DOCK7: variants seen among roughly 807,000 people sequenced by gnomAD.
DOCK7 encodes the protein dedicator of cytokinesis protein 7.
DOCK7 carries 138 observed loss-of-function variants against 271.0 expected under a neutral mutation model. That is an observed-to-expected ratio of 0.51 (90% CI 0.44 to 0.59). The LOEUF is 0.59. Among genes scored for constraint, DOCK7 ranks in the 20% least tolerant of loss-of-function variants. The pLI, the probability that DOCK7 is intolerant of heterozygous loss-of-function variation, is 0.00. For missense variants in DOCK7, 2,066 were observed against 2,592.4 expected (o/e 0.80, Z 4.41); for synonymous variants, 823 against 876.1 (o/e 0.94, Z 1.07).
Position 62,492,710 on chromosome 1 carries a change from G to T in DOCK7, c.5355C>A (p.Phe1785Leu). The T allele has an allele frequency of 6.2e-7, 1 of 1,614,048 alleles. No individual in the cohort carries two copies. The highest frequency in any genetic ancestry group is 8.5e-7 in the Non-Finnish European group (1 of 1,179,960). ...VGLLEQAAAS[F>L]SMAGMYEAVN... ...ATTAACAAGAGTCATCTACCATAGAGAAGGAAGCAGCTGCTTGTTCCAGTA... is the reference window on the plus strand; with the variant it reads ...ATTAACAAGAGTCATCTACCATAGATAAGGAAGCAGCTGCTTGTTCCAGTA... The change falls in exon 41 of 50, where the codon TTC becomes TTA. Residue 1785 changes from phenylalanine to leucine, a missense_variant. By Grantham distance (22) the Phe-to-Leu change is conservative. Transcript: ENST00000635253.
At chr1:62,597,446 T>C (rs1358108518) in intron 14 of DOCK7, 22 of 1,026,952 alleles carry the variant, frequency 2.1e-5, no homozygotes, top group Non-Finnish European at 2.4e-5. Context: ...TGATTAACTA[T>C]GTTCACCTAC....
At chr1:62,618,978 T>C (rs1652802752) in intron 13 of DOCK7, 110 bp from the exon 14 acceptor site, 3 of 919,400 alleles carry the variant, frequency 3.3e-6, no homozygotes, top group Non-Finnish European at 5.0e-6. Flanking sequence ...GGAAGAATAT[T>C]ACAGAAACCA....
intron 14 of DOCK7, among the ~76,000 whole-genome samples, chr1:62,600,072 C>T (rs998444823): frequency 4.0e-5 from 6 of 151,764 alleles, no homozygotes; most frequent in African/African-American, 1.2e-4. Context: ...TTATCAACTA[C>T]TTTTGGTTTC....
At chr1:62,477,465 G>T (rs762264782) in intron 44 of DOCK7, among the ~76,000 whole-genome samples, 2 of 152,066 alleles carry the variant, frequency 1.3e-5, no homozygotes, top group Non-Finnish European at 2.9e-5. Flanking sequence ...GGATACAGGG[G>T]TTTCTAAAAT....
At chr1:62,495,488 T>A in intron 39 of DOCK7, 93 bp downstream of exon 39, 2 of 754,476 alleles carry the variant, frequency 2.7e-6, no homozygotes, top group Non-Finnish European at 3.9e-6. Context: ...AAATCACAAA[T>A]CATTTTTGTG....
At chr1:62,577,580 A>G (rs979701374) in intron 17 of DOCK7, among the ~76,000 whole-genome samples, 5 of 152,176 alleles carry the variant, frequency 3.3e-5, no homozygotes, top group African/African-American at 4.8e-5. Context: ...TCACCAAAAC[A>G]TTATTATTAC....
At chr1:62,470,623 A>G (rs1645804526) in intron 48 of DOCK7, among the ~76,000 whole-genome samples, 2 of 152,076 alleles carry the variant, frequency 1.3e-5, no homozygotes, top group Non-Finnish European at 2.9e-5. Flanking sequence ...ATGAAACCCC[A>G]TCCCTACTAA....
chr1:62,479,377 T>G (rs1467044455), intron 43 of DOCK7, among the ~76,000 whole-genome samples: 1 of 152,168 alleles, frequency 6.6e-6, no homozygotes, highest in Non-Finnish European at 1.5e-5. Context: ...AAGTTGAGGC[T>G]TCTAATTTAA....
chr1:62,461,209 CCT>C (rs1645514294), intron 48 of DOCK7, among the ~76,000 whole-genome samples: 1 of 152,008 alleles, frequency 6.6e-6, no homozygotes, highest in Admixed American at 6.6e-5. Context: ...AAAATGATGT[CCT>C]CTCTATTCCT....
At chr1:62,509,312 C>CAAAAAAA (rs71045845) in intron 34 of DOCK7, among the ~76,000 whole-genome samples, 1 of 112,792 alleles carries the variant, frequency 8.9e-6, no homozygotes, top group Admixed American at 1.0e-4. Context: ...GATCTTGTCT[C>CAAAAAAA]AAAAAAAAAA....
chr1:62,535,009 A>G (rs1230912664), intron 29 of DOCK7, among the ~76,000 whole-genome samples: 1 of 152,098 alleles, frequency 6.6e-6, no homozygotes, highest in Non-Finnish European at 1.5e-5. Flanking sequence ...GAATTGCTTG[A>G]ACCCAGAAGG....
intron 1 of DOCK7, among the ~76,000 whole-genome samples, chr1:62,687,328 G>A (rs1572026383): frequency 6.6e-6 from 1 of 152,156 alleles, no homozygotes; most frequent in East Asian, 1.9e-4. Context: ...GAGAAAGGTG[G>A]CAACCAACCA....
At chr1:62,565,771 T>C (rs1646492855) in intron 18 of DOCK7, among the ~76,000 whole-genome samples, 1 of 152,152 alleles carries the variant, frequency 6.6e-6, no homozygotes, top group Admixed American at 6.6e-5. Flanking sequence ...AGTCAAATTG[T>C]CTCTGCAGAT....
chr1:62,460,022 C>A (rs1324923321), intron 48 of DOCK7, among the ~76,000 whole-genome samples: 1 of 144,476 alleles, frequency 6.9e-6, no homozygotes, highest in Non-Finnish European at 1.5e-5. Flanking sequence ...ATGGCATGAA[C>A]CTGGGAGGCG....
intron 20 of DOCK7, among the ~76,000 whole-genome samples, chr1:62,557,917 G>A (rs756927297): frequency 6.6e-6 from 1 of 151,676 alleles, no homozygotes; most frequent in Non-Finnish European, 1.5e-5. Flanking sequence ...ATGAAATTCT[G>A]CAAGACTCCT....
intron 14 of DOCK7, among the ~76,000 whole-genome samples, chr1:62,614,943 G>A (rs1044850142): frequency 4.6e-5 from 7 of 151,756 alleles, no homozygotes; most frequent in African/African-American, 1.4e-4. Flanking sequence ...AAATGGTTTC[G>A]TCACATGTCA....
intron 33 of DOCK7, 118 bp downstream of exon 33, chr1:62,513,326 T>C (rs1462885764): frequency 2.2e-6 from 2 of 918,946 alleles, no homozygotes; most frequent in South Asian, 3.3e-5. Context: ...GAAATGATTA[T>C]TCAAGTTAAT....
chr1:62,547,407 A>AT (rs1645747085), intron 22 of DOCK7, among the ~76,000 whole-genome samples: 2 of 152,196 alleles, frequency 1.3e-5, no homozygotes, highest in Admixed American at 1.3e-4. Flanking sequence ...CGTGTATGTA[A>AT]GTGTGAGGTT....
At chr1:62,665,240 T>G (rs1241135663) in intron 1 of DOCK7, among the ~76,000 whole-genome samples, 6 of 152,058 alleles carry the variant, frequency 3.9e-5, no homozygotes, top group Non-Finnish European at 7.4e-5. Context: ...CCACCCACCT[T>G]GGTCTCCCAA....
Sources: allele counts gnomAD v4.1 joint callset (sites outside exome capture counted in the v4.1 genomes callset), GRCh38; gene constraint gnomAD v4.1.1; transcripts MANE v1.5; gene names NCBI Gene and HGNC (gene_info 2026-07-23, HGNC 2026-07-21).